PRELP: variants seen among roughly 807,000 people sequenced by gnomAD.
The protein encoded by PRELP is proline and arginine rich end leucine rich repeat protein.
In PRELP, 16 loss-of-function variants were observed where a neutral mutation model predicts 22.8. The observed-to-expected ratio is 0.70, with a 90% CI of 0.47 to 1.06. The LOEUF (loss-of-function observed/expected upper bound fraction) is 1.06, where lower values mean the gene tolerates loss of function less well. Ranked by LOEUF, PRELP falls within the 50% of genes least tolerant of loss-of-function variation. PRELP has a pLI of 0.00. For synonymous variants in PRELP, 233 were observed against 211.4 expected, an observed-to-expected ratio of 1.10 and a Z score of -0.89; for missense variants, 434 against 485.2, an observed-to-expected ratio of 0.89 and a Z score of 0.99.
At position 203,483,378 on chromosome 1, in the gene PRELP, G is replaced by A. The variant is rs1661039544; in HGVS notation, c.194G>A (p.Gly65Asp). The A allele has an allele frequency of 6.2e-7, 1 of 1,613,876 alleles. No individual in the cohort carries two copies. Among genetic ancestry groups the A allele is most frequent in the African/African-American group, 1.3e-5 (1 of 74,868 alleles). ...GACCTGCCTCCTCCCCTCCCTCCAG[G>A]CCCTCCATCTATCTTCCCTGACTGT... The part of the protein sequence containing the change: ...PTDLPPPLPP[G>D]PPSIFPDCPR... Residue 65 changes from glycine (G) to aspartate (D), a missense_variant, in exon 2 of 3, where the codon GGC becomes GAC. Physicochemically the swap from Gly to Asp is moderately conservative, Grantham distance 94 (BLOSUM62 -1). Coordinates refer to ENST00000343110, the MANE Select transcript of PRELP (RefSeq NM_002725.4). This position sits in a 1 kb window ranked among gnomAD's most constrained non-coding sequence, Gnocchi z 4.4.
rs1661117598 is a variant in PRELP at position 203,487,653 on chromosome 1, A to G, written c.*772A>G. ...AGCCATGGGAGAGGGGAAGGGTTCA[A>G]GCCCGGGATGGGCCCGCGTGACGTC... On this transcript the variant is annotated 3_prime_UTR_variant, in exon 3 of 3. Transcript: ENST00000343110. The G allele has an allele frequency of 6.6e-6, 1 of 152,570 alleles. No individual in the cohort carries two copies. Among genetic ancestry groups the G allele is most frequent in the African/African-American group, 2.4e-5 (1 of 41,472 alleles). The allele number at this position is 152,570 out of a possible 1,614,324, so 9.5% of individuals were successfully genotyped here. A position where few individuals can be genotyped will look rare whatever the true frequency, so the allele number is the denominator to read the frequency against.
At chr1:203,481,373 A>G (rs1003683891) in intron 1 of PRELP, among the ~76,000 whole-genome samples, 1 of 152,230 alleles carries the variant, frequency 6.6e-6, no homozygotes, top group African/African-American at 2.4e-5. Context: ...GAACTTACAC[A>G]ATGTTAATTC....
intron 1 of PRELP, among the ~76,000 whole-genome samples, chr1:203,479,576 G>A (rs971472446): frequency 3.3e-5 from 5 of 151,852 alleles, no homozygotes; most frequent in African/African-American, 1.2e-4. Flanking sequence ...GGTAGCACAT[G>A]CCTATAGTAC....
intron 1 of PRELP, among the ~76,000 whole-genome samples, chr1:203,482,569 T>A (rs1558231380): frequency 7.3e-6 from 1 of 136,168 alleles, no homozygotes; most frequent in Non-Finnish European, 1.5e-5. Context: ...TGTATGCCAC[T>A]GTCCCACCAG....
chr1:203,478,547 A>G (rs1660948426), intron 1 of PRELP, among the ~76,000 whole-genome samples: 1 of 152,214 alleles, frequency 6.6e-6, no homozygotes, highest in Non-Finnish European at 1.5e-5. Context: ...TCTGTAGTGC[A>G]TTTTAAAGCT....
chr1:203,476,815 A>T (rs1261186949), intron 1 of PRELP, among the ~76,000 whole-genome samples: 1 of 152,128 alleles, frequency 6.6e-6, no homozygotes, highest in African/African-American at 2.4e-5. Context: ...CCTAATTCCC[A>T]GCTCTGGGGA....
At position 203,491,197 on chromosome 1, in the gene PRELP, C is replaced by G. The variant is rs922083335; in HGVS notation, c.*4316C>G. On this transcript the variant is annotated 3_prime_UTR_variant, in exon 3 of 3. Transcript: ENST00000343110. This position sits in a 1 kb window ranked among gnomAD's most constrained non-coding sequence, Gnocchi z 4.4. ...CCACTGAACACCTTGCAACCCCCACCCCTGGCCACCAGAGAACAACCCCCT... is the reference window on the plus strand; with the variant it reads ...CCACTGAACACCTTGCAACCCCCACGCCTGGCCACCAGAGAACAACCCCCT... 1.1e-4 allele frequency: 16 copies of G among 152,200 alleles called. No individual in the cohort carries two copies. Among genetic ancestry groups the G allele is most frequent in the African/African-American group, 3.4e-4 (14 of 41,452 alleles). 9.4% of individuals were successfully genotyped at this position (152,200 alleles called of 1,614,324 possible). A position where few individuals can be genotyped will look rare whatever the true frequency, so the allele number is the denominator to read the frequency against.
In PRELP at chr1:203,490,483, C is replaced by T. The variant is rs1661173551; in HGVS notation, c.*3602C>T. On this transcript the variant is annotated 3_prime_UTR_variant, in exon 3 of 3. Coordinates refer to ENST00000343110, the MANE Select transcript of PRELP (RefSeq NM_002725.4). ...GTCTCCCAGGAGCTCTGTACTGAGG[C>T]AGACACAGAAAGACACAAAACGGTC... 1 of 152,200 alleles carries T rather than the reference C, an allele frequency of 6.6e-6. No individual in the cohort carries two copies. 9.4% of individuals were successfully genotyped at this position (152,200 alleles called of 1,614,324 possible).
At chr1:203,482,698 C>T (rs1006891837) in intron 1 of PRELP, among the ~76,000 whole-genome samples, 3 of 139,010 alleles carry the variant, frequency 2.2e-5, no homozygotes, top group Non-Finnish European at 4.6e-5. Context: ...CCCGGGTTCA[C>T]GCCATTCTCC....
Position 203,487,729 on chromosome 1 carries a change from C to G in PRELP, c.*848C>G, listed in dbSNP as rs1661119019. On this transcript the variant is annotated 3_prime_UTR_variant, in exon 3 of 3. Transcript: ENST00000343110. ...AACCTCGGGTTTAGGGAGGAGGGTT[C>G]ACAGTGTTTTTGTGGGGGCGGGGGA... 1 of 150,876 alleles carries G rather than the reference C, an allele frequency of 6.6e-6. No homozygotes were observed. The highest frequency in any genetic ancestry group is 2.5e-5 in the African/African-American group (1 of 40,786). The allele number at this position is 150,876 out of a possible 1,614,324, so 9.3% of individuals were successfully genotyped here. A position where few individuals can be genotyped will look rare whatever the true frequency, so the allele number is the denominator to read the frequency against.
In PRELP at chr1:203,483,783, T is replaced by C; in HGVS notation, c.599T>C (p.Leu200Pro). ...AGCAAGCTGGAGAACCTGCTGCTCC[T>C]GGATCTCCAGCACAACAGGCTGAGC... ...VFSKLENLLL[L>P]DLQHNRLSDG... The change falls in exon 2 of 3, where the codon CTG (leucine) becomes CCG (proline). Residue 200 changes from leucine to proline, a missense_variant. Coordinates refer to ENST00000343110, the MANE Select transcript of PRELP (RefSeq NM_002725.4). The surrounding 1 kb of genome is among the most constrained non-coding windows in gnomAD (Gnocchi z 4.4). The C allele has an allele frequency of 1.2e-6, 2 of 1,614,214 alleles. No homozygotes were observed. The highest frequency in any genetic ancestry group is 1.1e-5 in the South Asian group (1 of 91,088).
chr1:203,479,706 C>CAAAAAAAAAAAAA (rs397844598), intron 1 of PRELP, among the ~76,000 whole-genome samples: 1 of 52,490 alleles, frequency 1.9e-5, no homozygotes, highest in Non-Finnish European at 3.5e-5. Context: ...CCTGTATCAC[C>CAAAAAAAAAAAAA]AAAAAAAAAA....
chr1:203,487,000 C>A lies in PRELP; in HGVS notation c.*119C>A. 1.7e-6 allele frequency: 2 copies of A among 1,183,080 alleles called. No homozygotes were observed. Among genetic ancestry groups the A allele is most frequent in the Non-Finnish European group, 1.2e-6 (1 of 867,156 alleles). The allele number at this position is 1,183,080 out of a possible 1,614,324, so 73.3% of individuals were successfully genotyped here. On this transcript the variant is annotated 3_prime_UTR_variant, in exon 3 of 3. Transcript: ENST00000343110. ...TTCTCCCAGCTTTGCCTCCCTTATC[C>A]CACCCTCGAGGCAGGGAAAAGCCAT...
rs900721499 is a variant in PRELP, at chr1:203,490,439, A to G, written c.*3558A>G. The G allele has an allele frequency of 6.6e-6, 1 of 152,208 alleles. No individual in the cohort carries two copies. The highest frequency in any genetic ancestry group is 2.4e-5 in the African/African-American group (1 of 41,448). 9.4% of individuals were successfully genotyped at this position (152,208 alleles called of 1,614,324 possible). A position where few individuals can be genotyped will look rare whatever the true frequency, so the allele number is the denominator to read the frequency against. On this transcript the variant is annotated 3_prime_UTR_variant, in exon 3 of 3. Transcript: ENST00000343110. ...AAAGCCTCGGGTTCTTTCAAGCTAC[A>G]TGTACTAAATTGTCGAAGGTCTCCC... is the stretch of plus-strand genomic sequence containing the variant.
In PRELP at chr1:203,489,085, T is replaced by C. The variant is rs768904149; in HGVS notation, c.*2204T>C. 6 of 152,592 alleles carry C rather than the reference T, an allele frequency of 3.9e-5. No homozygotes were observed. The highest frequency in any genetic ancestry group is 7.3e-5 in the Non-Finnish European group (5 of 68,034). 9.5% of individuals were successfully genotyped at this position (152,592 alleles called of 1,614,324 possible). On this transcript the variant is annotated 3_prime_UTR_variant, in exon 3 of 3. Coordinates refer to ENST00000343110, the MANE Select transcript of PRELP (RefSeq NM_002725.4). ...CCGCATTCTTTCTAGCTGCAGCTGG[T>C]TTCTTCAAGGCTCCTGCTTAAAGTC...
In PRELP at chr1:203,490,473, T is replaced by C. The variant is rs1661173377; in HGVS notation, c.*3592T>C. On this transcript the variant is annotated 3_prime_UTR_variant, in exon 3 of 3. Transcript: ENST00000343110. ...ATTGTCGAAGGTCTCCCAGGAGCTC[T>C]GTACTGAGGCAGACACAGAAAGACA... The C allele has an allele frequency of 1.3e-5, 2 of 152,210 alleles. No homozygotes were observed. Among genetic ancestry groups the C allele is most frequent in the Non-Finnish European group, 1.5e-5 (1 of 68,046 alleles). The allele number at this position is 152,210 out of a possible 1,614,324, so 9.4% of individuals were successfully genotyped here. A position where few individuals can be genotyped will look rare whatever the true frequency, so the allele number is the denominator to read the frequency against.
chr1:203,485,511 A>G (rs1471495168), intron 2 of PRELP, among the ~76,000 whole-genome samples: 1 of 152,134 alleles, frequency 6.6e-6, no homozygotes, highest in Non-Finnish European at 1.5e-5. Context: ...TGCCACTGGT[A>G]CTGTCTTTAA....
chr1:203,490,475 T>A lies in PRELP; in HGVS notation c.*3594T>A, dbSNP rs552232834. 6.6e-6 allele frequency: 1 copy of A among 152,316 alleles called. No homozygotes were observed. Among genetic ancestry groups the A allele is most frequent in the East Asian group, 1.9e-4 (1 of 5,188 alleles). 9.4% of individuals were successfully genotyped at this position (152,316 alleles called of 1,614,324 possible). A position where few individuals can be genotyped will look rare whatever the true frequency, so the allele number is the denominator to read the frequency against. ...TGTCGAAGGTCTCCCAGGAGCTCTG[T>A]ACTGAGGCAGACACAGAAAGACACA... On this transcript the variant is annotated 3_prime_UTR_variant, in exon 3 of 3. Transcript: ENST00000343110.
chr1:203,476,669 AGGAGGG>A (rs1218695183), intron 1 of PRELP, among the ~76,000 whole-genome samples: 2 of 151,906 alleles, frequency 1.3e-5, no homozygotes, highest in Non-Finnish European at 2.9e-5. Context: ...TTCACTGGGT[AGGAGGG>A]AGAGAAAAAC....
Sources: allele counts gnomAD v4.1 joint callset (sites outside exome capture counted in the v4.1 genomes callset), GRCh38; gene constraint gnomAD v4.1.1; non-coding constraint Gnocchi (gnomAD v3.1); transcripts MANE v1.5; gene names NCBI Gene and HGNC (gene_info 2026-07-23, HGNC 2026-07-21).